ASPM: variants seen among roughly 807,000 people sequenced by gnomAD.
ASPM encodes the protein assembly factor for spindle microtubules, also known as abnormal spindle-like microcephaly-associated protein.
Under a neutral mutation model 366.4 loss-of-function variants are expected in ASPM, and 256 were observed. That is an observed-to-expected ratio of 0.70 (90% CI 0.63 to 0.77). The LOEUF is 0.77. ASPM is among the 30% of genes least tolerant of loss of function. The pLI is 0.00. For synonymous variants in ASPM, 1,414 were observed against 1,342.9 expected, an observed-to-expected ratio of 1.05 and a Z score of -1.16; for missense variants, 4,146 against 4,090.4, an observed-to-expected ratio of 1.01 and a Z score of -0.37.
At chr1:197,087,331 C>T (rs1656626458) in intron 26 of ASPM, among the ~76,000 whole-genome samples, 1 of 152,150 alleles carries the variant, frequency 6.6e-6, no homozygotes, top group South Asian at 2.1e-4. Context: ...CTACCTCAGC[C>T]TCCCAAAGTG....
intron 17 of ASPM, among the ~76,000 whole-genome samples, chr1:197,111,361 C>T (rs1657579004): frequency 1.3e-5 from 2 of 152,048 alleles, no homozygotes; most frequent in African/African-American, 4.8e-5. Flanking sequence ...CAGAAAAATA[C>T]AAATCAGAAC....
chr1:197,102,449 G>C lies in ASPM; in HGVS notation c.6802C>G (p.Leu2268Val). Residue 2268 changes from leucine to valine, a missense_variant, in exon 18 of 28, where the codon CTC becomes GTC. Coordinates refer to ENST00000367409, the MANE Select transcript of ASPM (RefSeq NM_018136.5). ...HLKMMHIAAT[L>V]IQRRFRTLMM... Reference sequence around the variant, plus strand: ...AGAGTTCTAAATCTCCTCTGAATGAGAGTTGCGGCTATATGCATCATTTTT... The same window carrying C: ...AGAGTTCTAAATCTCCTCTGAATGACAGTTGCGGCTATATGCATCATTTTT... 3.1e-6 allele frequency: 5 copies of C among 1,612,594 alleles called. 1 individual carries two copies. Among genetic ancestry groups the C allele is most frequent in the South Asian group, 2.2e-5 (2 of 91,054 alleles).
chr1:197,105,745 G>C (rs1024796202), intron 17 of ASPM, among the ~76,000 whole-genome samples: 5 of 151,868 alleles, frequency 3.3e-5, no homozygotes, highest in Non-Finnish European at 7.4e-5. Context: ...CCCAAATTTA[G>C]GAACTATAAA....
intron 7 of ASPM, among the ~76,000 whole-genome samples, chr1:197,131,154 ATTAT>A (rs2125108362): frequency 6.6e-6 from 1 of 152,290 alleles, no homozygotes; most frequent in African/African-American, 2.4e-5. Flanking sequence ...CAGTAAGCTT[ATTAT>A]TTATTCTCTC....
At chr1:197,097,309 C>G (rs1262088985) in intron 18 of ASPM, among the ~76,000 whole-genome samples, 1 of 151,758 alleles carries the variant, frequency 6.6e-6, no homozygotes, top group Non-Finnish European at 1.5e-5. Flanking sequence ...TTTCTCTCTT[C>G]TGTAATACGC....
intron 24 of ASPM, 32 bp downstream of exon 24, chr1:197,090,164 A>G (rs1165545335): frequency 6.2e-7 from 1 of 1,612,246 alleles, no homozygotes; most frequent in African/African-American, 1.3e-5. Flanking sequence ...GTAGTATTAC[A>G]TCATTCTTTA....
At chr1:197,132,232 A>G (rs1404436629) in intron 7 of ASPM, 53 bp downstream of exon 7, 45 of 1,378,766 alleles carry the variant, frequency 3.3e-5, no homozygotes, top group Non-Finnish European at 4.4e-5. Flanking sequence ...TCTATTCTAC[A>G]AAAAGTATAT....
At chr1:197,096,198 G>A (rs927167647) in intron 18 of ASPM, 34 bp from the exon 19 acceptor site, 81 of 1,520,870 alleles carry the variant, frequency 5.3e-5, no homozygotes, top group Non-Finnish European at 7.3e-5. Context: ...AGTATGCAAT[G>A]AGTTGTCTCT....
rs1658052889 is a variant in ASPM, at chr1:197,125,164, G to A, written c.2964C>T (p.Asn988=). The change falls in exon 11 of 28, where the codon AAC becomes AAT. Residue 988 remains asparagine (N), a synonymous_variant. Coordinates refer to ENST00000367409, the MANE Select transcript of ASPM (RefSeq NM_018136.5). ...LVRTMELLTQ[N]WDLSKKLRIP... The stretch of plus-strand genomic sequence containing the variant: ...TCCTGAGTTTCTTTGAGAGGTCCCA[G>A]TTCTGTGTGAGAAGTTCCATGGTTC... The A allele has an allele frequency of 6.2e-7, 1 of 1,614,020 alleles. No homozygotes were observed. The highest frequency in any genetic ancestry group is 1.1e-5 in the South Asian group (1 of 91,078).
rs80058948 is a variant in ASPM, at chr1:197,122,609, C to A, written c.3391-14G>T. 3.4e-3 allele frequency: 5,408 copies of A among 1,582,452 alleles called. 175 individuals are homozygous for A. The African/African-American group carries it at 0.065, about 19-fold the overall frequency. ...AAAATTCTCCACCTGATTGAAAATG[C>A]CAGAAAAACAATTAACCGCATTTAG... On this transcript the variant is annotated splice_polypyrimidine_tract_variant and intron_variant, in intron 13 of 27. Coordinates refer to ENST00000367409, the MANE Select transcript of ASPM (RefSeq NM_018136.5).
intron 6 of ASPM, 61 bp downstream of exon 6, chr1:197,133,289 A>G (rs1316292134): frequency 1.3e-6 from 2 of 1,549,064 alleles, no homozygotes; most frequent in East Asian, 4.5e-5. Context: ...GGGGGAAAAA[A>G]ACACAAAATC....
At position 197,100,809 on chromosome 1, in the gene ASPM, T is replaced by C; in HGVS notation, c.8442A>G (p.Gln2814=). The C allele has an allele frequency of 6.2e-7, 1 of 1,612,602 alleles. No homozygotes were observed. The highest frequency in any genetic ancestry group is 1.3e-5 in the African/African-American group (1 of 74,894). Residue 2814 remains glutamine (Q), a synonymous_variant, in exon 18 of 28, where the codon CAA becomes CAG. Transcript: ENST00000367409. The stretch of plus-strand genomic sequence containing the variant: ...TTTGAATTGTTACTGCAGCCCTACT[T>C]TGAGAATGATACTCTGCTTCCTGTG... ...ACSQEAEYHS[Q]SRAAVTIQKA...
At position 197,102,907 on chromosome 1, in the gene ASPM, T is replaced by G; in HGVS notation, c.6344A>C (p.His2115Pro). The change falls in exon 18 of 28, where the codon CAC (histidine) becomes CCC (proline). Residue 2115 changes from histidine to proline, a missense_variant. This residue lies in a region of ASPM where 3,624 missense variants were observed against 3,591.7 expected (regional missense o/e 1.01). Transcript: ENST00000367409. Reference sequence around the variant, plus strand: ...AATAAAAGTGGCTGCCCTGTGCATGTGTTGAATATGTCTTCTAACTCTAAT... The same window carrying G: ...AATAAAAGTGGCTGCCCTGTGCATGGGTTGAATATGTCTTCTAACTCTAAT... The part of the protein sequence containing the change: ...RGIRVRRHIQ[H>P]MHRAATFIKA... The G allele has an allele frequency of 6.2e-7, 1 of 1,612,732 alleles. No homozygotes were observed.
rs61819088 is a variant in ASPM at position 197,122,678 on chromosome 1, T to C, written c.3391-83A>G. 496,550 of 1,292,056 alleles carry C rather than the reference T, an allele frequency of 0.38. 102,883 individuals carry two copies. The highest frequency in any genetic ancestry group is 0.43 in the Non-Finnish European group (395,069 of 912,296). The allele number at this position is 1,292,056 out of a possible 1,614,324, so 80.0% of individuals were successfully genotyped here. ...TGGTTTGCAGAATACCTGTGAATAA[T>C]AAAGGCAGAGACTGGAGTGACAAAT... On this transcript the variant is annotated intron_variant, in intron 13 of 27. Coordinates refer to ENST00000367409, the MANE Select transcript of ASPM (RefSeq NM_018136.5).
intron 17 of ASPM, among the ~76,000 whole-genome samples, chr1:197,112,708 T>C (rs1287931832): frequency 6.6e-6 from 1 of 152,088 alleles, no homozygotes; most frequent in Non-Finnish European, 1.5e-5. Flanking sequence ...CTGCTTTGGG[T>C]CTTCCTGCCT....
intron 10 of ASPM, 133 bp downstream of exon 10, chr1:197,128,357 A>AC (rs1658152829): frequency 3.2e-6 from 3 of 948,850 alleles, no homozygotes; most frequent in South Asian, 3.1e-5. Context: ...AAAAAAAAAA[A>AC]ACCTCAATTT....
rs375528956 is a variant in ASPM, at chr1:197,095,719, GTC to G, written c.8987+277_8987+278del. Among the ~76,000 whole-genome samples the G allele has an allele frequency of 3.2e-4, 49 of 151,380 alleles. 1 individual carries two copies. In the East Asian group the frequency reaches 9.6e-3, roughly 30 times the overall value. ...CTAAATGATTTTATTCACTTCCTAC[GTC>G]TCTGTCCTTACTCTAATCCTTATGA... On this transcript the variant is annotated intron_variant, in intron 19 of 27. Transcript: ENST00000367409.
Position 197,103,301 on chromosome 1 carries a change from G to A in ASPM, c.5950C>T (p.His1984Tyr). ...AIIIQSYYRM[H>Y]VQQKKWKIMK... Reference sequence around the variant, plus strand: ...ATTTTCCACTTCTTTTGTTGCACATGCATTCTATAGTATGACTGTATGATG... The same window carrying A: ...ATTTTCCACTTCTTTTGTTGCACATACATTCTATAGTATGACTGTATGATG... The change falls in exon 18 of 28, where the codon CAT becomes TAT. Residue 1984 changes from histidine (H) to tyrosine (Y), a missense_variant. Physicochemically the swap from His to Tyr is moderately conservative, Grantham distance 83. Coordinates refer to ENST00000367409, the MANE Select transcript of ASPM (RefSeq NM_018136.5). 1.2e-5 allele frequency: 20 copies of A among 1,613,050 alleles called. No individual in the cohort carries two copies. The highest frequency in any genetic ancestry group is 1.7e-5 in the Non-Finnish European group (20 of 1,179,380).
rs758375993 is a variant in ASPM at position 197,101,642 on chromosome 1, T to A, written c.7609A>T (p.Ile2537Phe). 1.2e-6 allele frequency: 2 copies of A among 1,611,970 alleles called. No individual in the cohort carries two copies. The highest frequency in any genetic ancestry group is 3.3e-5 in the Admixed American group (2 of 59,774). The change falls in exon 18 of 28, where the codon ATT (isoleucine) becomes TTT (phenylalanine). Residue 2537 changes from isoleucine to phenylalanine, a missense_variant. Coordinates refer to ENST00000367409, the MANE Select transcript of ASPM (RefSeq NM_018136.5). Reference sequence around the variant, plus strand: ...TTCATTCCTTTATATGCAGCCTGAATAACCACAGCAGAATGCCATTGTCTG... The same window carrying A: ...TTCATTCCTTTATATGCAGCCTGAAAAACCACAGCAGAATGCCATTGTCTG... ...YIRQWHSAVV[I>F]QAAYKGMKAR...
Sources: gnomAD v4.1 joint callset for allele counts (sites outside exome capture counted in the v4.1 genomes callset) on GRCh38, gnomAD v4.1.1 for gene constraint, gnomAD v4.1.1 regional missense constraint, MANE v1.5 for transcripts, NCBI Gene and HGNC (gene_info 2026-07-23, HGNC 2026-07-21) for gene names.